APTX: variants seen among roughly 807,000 people sequenced by gnomAD.
APTX encodes the protein aprataxin.
APTX carries 33 observed loss-of-function variants against 42.3 expected under a neutral mutation model. That is an observed-to-expected ratio of 0.78 (90% CI 0.59 to 1.04). The LOEUF (loss-of-function observed/expected upper bound fraction) is 1.04. Ranked by LOEUF, APTX falls within the 50% of genes least tolerant of loss-of-function variation. The probability of loss-of-function intolerance (pLI) is 0.00; values close to 1 mark genes in which losing one functional copy is unlikely to be tolerated. For synonymous variants in APTX, 130 were observed against 146.7 expected, an observed-to-expected ratio of 0.89 and a Z score of 0.82; for missense variants, 421 against 415.1, an observed-to-expected ratio of 1.01 and a Z score of -0.12.
chr9:33,005,229 C>G (rs545693310), upstream of APTX, among the ~76,000 whole-genome samples: 8 of 152,050 alleles, frequency 5.3e-5, no homozygotes, highest in African/African-American at 1.9e-4. Context: ...TGGCTGTATC[C>G]CTGGATGCAC....
chr9:32,973,769 T>C, intron 7 of APTX, 117 bp from the exon 8 acceptor site: 1 of 1,361,474 alleles, frequency 7.3e-7, no homozygotes, highest in Non-Finnish European at 1.0e-6. Flanking sequence ...GGCCAGGTAT[T>C]CTACAGCTCC....
chr9:33,011,262 A>G (rs1837521298), intron 1 of APTX, among the ~76,000 whole-genome samples: 1 of 152,142 alleles, frequency 6.6e-6, no homozygotes, highest in Non-Finnish European at 1.5e-5. Context: ...GAAACCATTA[A>G]AGGATTTTAA....
intron 7 of APTX, 59 bp from the exon 8 acceptor site, chr9:32,973,711 C>CAA (rs34659850): frequency 9.8e-5 from 131 of 1,331,648 alleles, no homozygotes; most frequent in African/African-American, 2.7e-4. Context: ...TATGAGATAC[C>CAA]AAAAAAAAAA....
intron 1 of APTX, among the ~76,000 whole-genome samples, chr9:33,008,048 CT>C (rs921193331): frequency 6.6e-5 from 10 of 152,162 alleles, no homozygotes; most frequent in Non-Finnish European, 2.9e-5. Context: ...TGCACTCCTC[CT>C]ATTTTCTAGT....
intron 6 of APTX, chr9:32,979,792 T>G (rs2118509232): frequency 5.9e-6 from 1 of 168,736 alleles, no homozygotes; most frequent in East Asian, 1.9e-4. Flanking sequence ...ACATGGTACA[T>G]TTTCCCTTAA....
At chr9:33,001,688 A>C, upstream of APTX, 3 of 1,551,470 alleles carry the variant, frequency 1.9e-6, no homozygotes, top group Non-Finnish European at 1.8e-6. Context: ...CACCTCTCTA[A>C]CGGATTGGCT....
chr9:32,989,535 T>C, intron 2 of APTX: 1 of 684,872 alleles, frequency 1.5e-6, no homozygotes, highest in Non-Finnish European at 2.6e-6. Flanking sequence ...CAGTATGAAC[T>C]TGACTGCTCC....
At chr9:33,021,039 G>A (rs1433314484) in intron 1 of APTX, among the ~76,000 whole-genome samples, 1 of 151,670 alleles carries the variant, frequency 6.6e-6, no homozygotes, top group African/African-American at 2.4e-5. Context: ...TGAGGCAGGA[G>A]AATCGCTTGA....
At chr9:32,983,474 C>G (rs1361053174) in intron 6 of APTX, among the ~76,000 whole-genome samples, 2 of 152,150 alleles carry the variant, frequency 1.3e-5, no homozygotes, top group Non-Finnish European at 2.9e-5. Flanking sequence ...GAAAACTGAT[C>G]AAACTATGCA....
At chr9:32,986,140 A>G (rs759957933) in intron 4 of APTX, 110 bp from the exon 5 acceptor site, 2 of 1,007,868 alleles carry the variant, frequency 2.0e-6, no homozygotes, top group South Asian at 2.5e-5. Flanking sequence ...TAGCACAACT[A>G]AACTTGGAAA....
chr9:33,001,576 T>A lies in APTX; in HGVS notation c.-14A>T. 6.2e-7 allele frequency: 1 copy of A among 1,613,866 alleles called. No individual in the cohort carries two copies. The highest frequency in any genetic ancestry group is 8.5e-7 in the Non-Finnish European group (1 of 1,180,006). ...CTGACGACCGCCTTACCTCCAGAAG[T>A]CGGAGACGGACAAATTCACGTTACT... On this transcript the variant is annotated 5_prime_UTR_variant, in exon 1 of 8. Coordinates refer to ENST00000379817, the MANE Select transcript of APTX (RefSeq NM_001195248.2).
At chr9:33,008,448 C>T (rs527303736) in intron 1 of APTX, among the ~76,000 whole-genome samples, 10 of 152,012 alleles carry the variant, frequency 6.6e-5, no homozygotes, top group Middle Eastern at 3.4e-3. Context: ...ACTGTGTTAC[C>T]CAGGCTGGTC....
At chr9:33,004,458 CTTCT>C (rs1836978191), upstream of APTX, among the ~76,000 whole-genome samples, 1 of 152,078 alleles carries the variant, frequency 6.6e-6, no homozygotes, top group South Asian at 2.1e-4. Context: ...TTTAAAAATT[CTTCT>C]TTCAATTATT....
intron 1 of APTX, among the ~76,000 whole-genome samples, chr9:32,995,942 A>G (rs1414137182): frequency 6.6e-6 from 1 of 150,794 alleles, no homozygotes; most frequent in African/African-American, 2.5e-5. Flanking sequence ...AGCAACTATG[A>G]CCCTGATCAG....
At chr9:32,993,089 C>A (rs1472940975) in intron 1 of APTX, among the ~76,000 whole-genome samples, 2 of 152,142 alleles carry the variant, frequency 1.3e-5, no homozygotes, top group Non-Finnish European at 2.9e-5. Flanking sequence ...CAGAAGAGAA[C>A]AGATTTTGAG....
intron 1 of APTX, among the ~76,000 whole-genome samples, chr9:33,022,953 C>T (rs1290634875): frequency 6.6e-6 from 1 of 152,180 alleles, no homozygotes; most frequent in African/African-American, 2.4e-5. Flanking sequence ...CCTCCTGCCT[C>T]AGCCTCCCAA....
At chr9:33,019,770 T>G in intron 1 of APTX, 1 of 599,060 alleles carries the variant, frequency 1.7e-6, no homozygotes, top group Non-Finnish European at 2.9e-6. Flanking sequence ...TCGAGAAAGT[T>G]GATAAGGGAA....
intron 6 of APTX, among the ~76,000 whole-genome samples, chr9:32,983,102 A>AT (rs1831083032): frequency 6.6e-6 from 1 of 151,958 alleles, no homozygotes; most frequent in Non-Finnish European, 1.5e-5. Context: ...CCCTTGGCTA[A>AT]TTTTTTGTAT....
chr9:32,984,004 TG>T (rs1205830829), intron 6 of APTX, among the ~76,000 whole-genome samples: 1 of 152,218 alleles, frequency 6.6e-6, no homozygotes, highest in Admixed American at 6.5e-5. Context: ...ATGTAAATTT[TG>T]TTATGTATAT....
Sources: allele counts gnomAD v4.1 joint callset (sites outside exome capture counted in the v4.1 genomes callset), GRCh38; gene constraint gnomAD v4.1.1; transcripts MANE v1.5; gene names NCBI Gene and HGNC (gene_info 2026-07-23, HGNC 2026-07-21).